The following FBXO34 variants were observed in gnomAD, a reference collection of about 807,000 sequenced individuals.
The protein encoded by FBXO34 is F-box only protein 34.
A neutral mutation model predicts 24.5 loss-of-function variants in FBXO34; 12 were observed. The observed-to-expected ratio is 0.49, with a 90% CI of 0.31 to 0.79. FBXO34 has a LOEUF of 0.79. FBXO34 is among the 30% of genes least tolerant of loss of function. The pLI is 0.04. For synonymous variants in FBXO34, 320 were observed against 311.9 expected (o/e 1.03, Z -0.27); for missense variants, 823 against 857.7 (o/e 0.96, Z 0.51).
chr14:55,387,103 C>T, the FBXO34 span, among the ~76,000 whole-genome samples: 5 of 152,044 alleles, frequency 3.3e-5, no homozygotes, highest in South Asian at 2.1e-4. Flanking sequence ...CAACACGGCT[C>T]GACTCCACGC....
the FBXO34 span, among the ~76,000 whole-genome samples, chr14:55,395,636 T>C: frequency 2.6e-5 from 4 of 152,250 alleles, no homozygotes; most frequent in Admixed American, 2.6e-4. Context: ...CATTTAATCA[T>C]TAATCCATTT....
chr14:55,411,609 G>A, the FBXO34 span: 10 of 1,607,870 alleles, frequency 6.2e-6, no homozygotes, highest in Middle Eastern at 1.7e-4. Flanking sequence ...TACCTCTCCC[G>A]GTCGCGGCCG....
the FBXO34 span, chr14:55,436,639 G>T: frequency 6.2e-7 from 1 of 1,614,210 alleles, no homozygotes; most frequent in Non-Finnish European, 8.5e-7. Context: ...CAGAGACAAG[G>T]AGTCGGAGTT....
intron 1 of FBXO34, among the ~76,000 whole-genome samples, chr14:55,308,762 A>G (rs886229391): frequency 2.0e-5 from 3 of 152,222 alleles, no homozygotes; most frequent in African/African-American, 7.2e-5. Context: ...AGTTTGAACC[A>G]AGAGCTCTCA....
downstream of FBXO34, among the ~76,000 whole-genome samples, chr14:55,363,583 T>G (rs938776334): frequency 1.3e-5 from 2 of 151,234 alleles, no homozygotes; most frequent in Admixed American, 6.6e-5. Flanking sequence ...CCCACCTTCG[T>G]CTCCCAAAGT....
intron 1 of FBXO34, among the ~76,000 whole-genome samples, chr14:55,304,922 G>C (rs140885148): frequency 4.4e-4 from 67 of 152,046 alleles, no homozygotes; most frequent in Middle Eastern, 3.4e-3. Context: ...TTTTGTTTTT[G>C]TACTTTTTGG....
At chr14:55,376,973 T>C in the FBXO34 span, among the ~76,000 whole-genome samples, 1 of 152,292 alleles carries the variant, frequency 6.6e-6, no homozygotes, top group East Asian at 1.9e-4. Flanking sequence ...TTTAAGCTCA[T>C]TGATTTCAAA....
At chr14:55,431,077 A>C in the FBXO34 span, among the ~76,000 whole-genome samples, 1 of 152,194 alleles carries the variant, frequency 6.6e-6, no homozygotes, top group African/African-American at 2.4e-5. Context: ...TAACTACCTA[A>C]ATTTGATCTT....
chr14:55,343,616 G>A (rs760283900), intron 1 of FBXO34, among the ~76,000 whole-genome samples: 2 of 152,108 alleles, frequency 1.3e-5, no homozygotes, highest in African/African-American at 4.8e-5. Context: ...TTTGGAATTA[G>A]CATTCCTGTG....
At chr14:55,321,597 A>T (rs181420498) in intron 1 of FBXO34, among the ~76,000 whole-genome samples, 32 of 152,132 alleles carry the variant, frequency 2.1e-4, no homozygotes, top group African/African-American at 5.8e-4. Flanking sequence ...GGATTTCACC[A>T]TGTTGGCCAG....
intron 1 of FBXO34, chr14:55,326,052 T>C (rs2140035616): frequency 6.6e-6 from 1 of 152,330 alleles, no homozygotes; most frequent in South Asian, 2.1e-4. Context: ...CAAATACCTT[T>C]TTTGTACACT....
chr14:55,279,773 T>G (rs898844271), intron 1 of FBXO34, among the ~76,000 whole-genome samples: 3 of 152,114 alleles, frequency 2.0e-5, no homozygotes, highest in Non-Finnish European at 4.4e-5. Flanking sequence ...TGGGGGTCAT[T>G]CCCTCCTAAC....
chr14:55,309,279 A>G (rs919207076), intron 1 of FBXO34, among the ~76,000 whole-genome samples: 3 of 151,892 alleles, frequency 2.0e-5, no homozygotes, highest in Non-Finnish European at 4.4e-5. Flanking sequence ...AACTTTTTGG[A>G]CACTGCTGGT....
the FBXO34 span, among the ~76,000 whole-genome samples, chr14:55,430,573 T>C: frequency 6.6e-6 from 1 of 151,978 alleles, no homozygotes. Context: ...CTGCCTAAAT[T>C]TTTATAGAGA....
intron 1 of FBXO34, among the ~76,000 whole-genome samples, chr14:55,299,883 T>C (rs1019446376): frequency 6.6e-6 from 1 of 152,172 alleles, no homozygotes; most frequent in African/African-American, 2.4e-5. Flanking sequence ...TATCAACCAC[T>C]CTACTCATGT....
At chr14:55,413,657 TCAGACAC>T in the FBXO34 span, 452 of 386,012 alleles carry the variant, frequency 1.2e-3, 1 homozygote, top group African/African-American at 0.011. Context: ...TCAGTTGAAC[TCAGACAC>T]CTCTCCCTTT....
chr14:55,346,437 A>G (rs573001087), intron 1 of FBXO34, among the ~76,000 whole-genome samples: 1 of 152,340 alleles, frequency 6.6e-6, no homozygotes, highest in South Asian at 2.1e-4. Context: ...TGGACTAGGT[A>G]TACTTGAGGC....
intron 1 of FBXO34, among the ~76,000 whole-genome samples, chr14:55,324,742 A>T (rs1883284067): frequency 6.6e-6 from 1 of 152,110 alleles, no homozygotes; most frequent in African/African-American, 2.4e-5. Context: ...AAAGGAAAAG[A>T]AGTTTTCCTC....
the FBXO34 span, chr14:55,429,015 A>G: frequency 1.6e-5 from 26 of 1,605,624 alleles, no homozygotes; most frequent in East Asian, 2.9e-4. Flanking sequence ...CTTAATCGCT[A>G]CATCCTCTCA....
Sources: allele counts gnomAD v4.1 joint callset (sites outside exome capture counted in the v4.1 genomes callset), GRCh38; gene constraint gnomAD v4.1.1; transcripts MANE v1.5; gene names NCBI Gene and HGNC (gene_info 2026-07-23, HGNC 2026-07-21).